XKR6: variants seen among roughly 807,000 people sequenced by gnomAD.
XKR6 encodes the protein XK-related protein 6.
Under a neutral mutation model 56.7 loss-of-function variants are expected in XKR6, and 22 were observed. The observed-to-expected ratio is 0.39, with a 90% CI of 0.28 to 0.55. The LOEUF (loss-of-function observed/expected upper bound fraction) is 0.55, where lower values mean the gene tolerates loss of function less well. Among genes scored for constraint, XKR6 ranks in the 20% least tolerant of loss-of-function variants. The pLI is 0.66. For synonymous variants in XKR6, 524 were observed against 387.8 expected, an observed-to-expected ratio of 1.35 and a Z score of -4.13; for missense variants, 852 against 889.0, an observed-to-expected ratio of 0.96 and a Z score of 0.53.
intron 2 of XKR6, among the ~76,000 whole-genome samples, chr8:10,917,071 G>A (rs1170879455): frequency 8.7e-6 from 1 of 114,910 alleles, no homozygotes; most frequent in Non-Finnish European, 1.9e-5. Flanking sequence ...TAGCAAAGAT[G>A]CTTTTTTTTT....
intron 1 of XKR6, among the ~76,000 whole-genome samples, chr8:11,190,413 G>T (rs1803514288): frequency 6.6e-6 from 1 of 152,168 alleles, no homozygotes; most frequent in Non-Finnish European, 1.5e-5. Flanking sequence ...TGTGGGGTAT[G>T]CCAAACCTAC....
intron 1 of XKR6, among the ~76,000 whole-genome samples, chr8:11,035,519 T>A (rs1799118008): frequency 6.6e-6 from 1 of 152,164 alleles, no homozygotes. Flanking sequence ...CAGGGTGGCC[T>A]GGGGAGGAAC....
chr8:10,956,385 G>C (rs1801888564), intron 1 of XKR6, among the ~76,000 whole-genome samples: 1 of 152,148 alleles, frequency 6.6e-6, no homozygotes, highest in Admixed American at 6.5e-5. Context: ...GGGCCCTGGA[G>C]ACCCATCTGC....
intron 1 of XKR6, chr8:11,129,126 T>C (rs1271421324): frequency 2.7e-6 from 1 of 367,288 alleles, no homozygotes; most frequent in African/African-American, 2.1e-5. Context: ...TGGGCTATGA[T>C]GAATAAAGGA....
At chr8:11,015,483 C>T (rs1399324785) in intron 1 of XKR6, among the ~76,000 whole-genome samples, 1 of 152,070 alleles carries the variant, frequency 6.6e-6, no homozygotes, top group Non-Finnish European at 1.5e-5. Context: ...CCACCCCCCA[C>T]CCCCACCTCG....
chr8:11,093,260 G>T (rs528791479), intron 1 of XKR6, among the ~76,000 whole-genome samples: 1 of 152,096 alleles, frequency 6.6e-6, no homozygotes, highest in Non-Finnish European at 1.5e-5. Flanking sequence ...TCACCATGTT[G>T]ACCAGGCTAG....
rs554326401 is a variant in XKR6 at position 11,113,167 on chromosome 8, A to G, written c.764+87409T>C. On this transcript the variant is annotated intron_variant, in intron 1 of 2. Transcript: ENST00000416569. ...ATCTGTGATACTATATTTGTTATTA[A>G]TGCTGTTACATGTAGTGAAAGAAAT... Among the ~76,000 whole-genome samples, 3 of 152,342 alleles carry G rather than the reference A, an allele frequency of 2.0e-5. No homozygotes were observed. The South Asian group carries it at 6.2e-4, about 32-fold the overall frequency.
At chr8:11,011,556 G>A (rs2129146033) in intron 1 of XKR6, among the ~76,000 whole-genome samples, 1 of 152,312 alleles carries the variant, frequency 6.6e-6, no homozygotes, top group East Asian at 1.9e-4. Context: ...CAGCAGAGAA[G>A]AAACAGGACA....
chr8:11,143,636 GA>G (rs1800819525), intron 1 of XKR6, among the ~76,000 whole-genome samples: 1 of 152,194 alleles, frequency 6.6e-6, no homozygotes, highest in Non-Finnish European at 1.5e-5. Context: ...GAAATGTAAA[GA>G]AGCAACTACT....
rs1213510647 is a variant in XKR6 at position 11,062,785 on chromosome 8, G to A, written c.764+137791C>T. ...AGAAATTGTTCTCTCTTTTCCCTGG[G>A]CACAGAGCCAGCCCCACCTCCCAGC... On this transcript the variant is annotated intron_variant, in intron 1 of 2. Coordinates refer to ENST00000416569, the MANE Select transcript of XKR6 (RefSeq NM_173683.4). 3 of 456,228 alleles carry A rather than the reference G, an allele frequency of 6.6e-6. No individual in the cohort carries two copies. The Admixed American group carries it at 7.0e-5, about 11-fold the overall frequency. The allele number at this position is 456,228 out of a possible 1,614,324, so 28.3% of individuals were successfully genotyped here.
At chr8:11,083,383 T>G (rs1797790930) in intron 1 of XKR6, among the ~76,000 whole-genome samples, 1 of 152,154 alleles carries the variant, frequency 6.6e-6, no homozygotes, top group East Asian at 1.9e-4. Context: ...ATGCACAACC[T>G]GAAAGGCAGC....
At chr8:11,157,196 A>G (rs1180710542) in intron 1 of XKR6, among the ~76,000 whole-genome samples, 1 of 152,182 alleles carries the variant, frequency 6.6e-6, no homozygotes, top group African/African-American at 2.4e-5. Flanking sequence ...AAGACCAAGA[A>G]ACTGTTGCAG....
chr8:10,914,376 C>T (rs186117428), intron 2 of XKR6, among the ~76,000 whole-genome samples: 7 of 152,262 alleles, frequency 4.6e-5, no homozygotes, highest in African/African-American at 1.7e-4. Flanking sequence ...ATTCGTGAAA[C>T]TCCTGGGCTT....
intron 1 of XKR6, among the ~76,000 whole-genome samples, chr8:10,960,607 C>T (rs1343890746): frequency 6.6e-6 from 1 of 152,238 alleles, no homozygotes. Flanking sequence ...ACAGCCCAGC[C>T]ACAGGGGCAT....
At chr8:11,014,358 G>GT (rs1798569201) in intron 1 of XKR6, among the ~76,000 whole-genome samples, 1 of 152,150 alleles carries the variant, frequency 6.6e-6, no homozygotes, top group Non-Finnish European at 1.5e-5. Flanking sequence ...AACCACAAAA[G>GT]GAAAGTTTCT....
intron 1 of XKR6, among the ~76,000 whole-genome samples, chr8:11,178,948 T>C (rs1802822753): frequency 6.6e-6 from 1 of 150,942 alleles, no homozygotes; most frequent in African/African-American, 2.4e-5. Context: ...GCTCAAATAA[T>C]CTTCCCGCCT....
At chr8:10,971,574 AG>A (rs1374104550) in intron 1 of XKR6, among the ~76,000 whole-genome samples, 1 of 152,162 alleles carries the variant, frequency 6.6e-6, no homozygotes, top group East Asian at 1.9e-4. Flanking sequence ...CCCTTCCTCT[AG>A]GGGAAGAAAC....
chr8:10,908,777 G>C (rs1251654332), intron 2 of XKR6, among the ~76,000 whole-genome samples: 2 of 152,212 alleles, frequency 1.3e-5, no homozygotes, highest in Non-Finnish European at 2.9e-5. Context: ...CCTTCAAGAG[G>C]TGGTTAGGCC....
chr8:11,195,811 G>A (rs1803854502), intron 1 of XKR6, among the ~76,000 whole-genome samples: 1 of 151,650 alleles, frequency 6.6e-6, no homozygotes, highest in Non-Finnish European at 1.5e-5. Context: ...ACCACGCCCG[G>A]CTAATTTTTT....
Sources: allele counts gnomAD v4.1 joint callset (sites outside exome capture counted in the v4.1 genomes callset), GRCh38; gene constraint gnomAD v4.1.1; transcripts MANE v1.5; gene names NCBI Gene and HGNC (gene_info 2026-07-23, HGNC 2026-07-21).